The following UNC5A variants were observed in gnomAD, a reference collection of about 807,000 sequenced individuals.
UNC5A encodes netrin receptor UNC5A.
UNC5A carries 20 observed loss-of-function variants against 87.4 expected under a neutral mutation model. That is an observed-to-expected ratio of 0.23 (90% CI 0.16 to 0.33). UNC5A has a LOEUF of 0.33. Among genes scored for constraint, UNC5A ranks in the 10% least tolerant of loss-of-function variants. The pLI, the probability that UNC5A is intolerant of heterozygous loss-of-function variation, is 1.00. For missense variants in UNC5A, 844 were observed against 1,133.4 expected (o/e 0.74, Z 3.67); for synonymous variants, 438 against 482.3 (o/e 0.91, Z 1.20).
intron 1 of UNC5A, among the ~76,000 whole-genome samples, chr5:176,817,278 G>A (rs1180860793): frequency 6.6e-6 from 1 of 151,974 alleles, no homozygotes; most frequent in Admixed American, 6.6e-5. Flanking sequence ...GCTGAGATGG[G>A]GAGGGGGTGG....
In UNC5A at chr5:176,868,629, C is replaced by A; in HGVS notation, c.505C>A (p.Pro169Thr). ...GTCCCTGGAGCAGGGCATCGTGCTG[C>A]CCTGCCGTCCACCGGAGGGCATCCC... Reference protein sequence around the residue: ...EVSLEQGIVLPCRPPEGIPPA... With the variant: ...EVSLEQGIVLTCRPPEGIPPA... The change falls in exon 4 of 15, where the codon CCC becomes ACC. Residue 169 changes from proline (P) to threonine (T), a missense_variant. By Grantham distance (38) the Pro-to-Thr change is conservative. Coordinates refer to ENST00000329542, the MANE Select transcript of UNC5A (RefSeq NM_133369.3). The A allele has an allele frequency of 6.2e-7, 1 of 1,605,462 alleles. No individual in the cohort carries two copies. Among genetic ancestry groups the A allele is most frequent in the Non-Finnish European group, 8.5e-7 (1 of 1,176,688 alleles).
rs1306577109 is a variant in UNC5A, at chr5:176,866,932, T to G, written c.293-1198T>G. Among the ~76,000 whole-genome samples the G allele has an allele frequency of 6.6e-6, 1 of 152,032 alleles. No individual in the cohort carries two copies. The highest frequency in any genetic ancestry group is 2.4e-5 in the African/African-American group (1 of 41,400). ...TAGCTGGCCGGCGACAGGGACAAAGTGATAGAAAAATCTGGACACCCAGTG... is the reference window on the plus strand; with the variant it reads ...TAGCTGGCCGGCGACAGGGACAAAGGGATAGAAAAATCTGGACACCCAGTG... On this transcript the variant is annotated intron_variant, in intron 2 of 14. Transcript: ENST00000329542. This position sits in a 1 kb window ranked among gnomAD's most constrained non-coding sequence, Gnocchi z 5.0.
At chr5:176,811,148 C>A (rs909645116) in intron 1 of UNC5A, among the ~76,000 whole-genome samples, 3 of 152,218 alleles carry the variant, frequency 2.0e-5, no homozygotes, top group South Asian at 2.1e-4. Flanking sequence ...CCCCAGGGAG[C>A]CTGACTTTGA....
rs1029837575 is a variant in UNC5A at position 176,810,956 on chromosome 5, C to T, written c.70+136C>T. ...CGAGGCCAAACTTTGCGAGGCGGGA[C>T]GCGGGGGGCTCTTCTTGCTGCTGCG... On this transcript the variant is annotated intron_variant, in intron 1 of 14. Transcript: ENST00000329542. The surrounding 1 kb of genome is among the most constrained non-coding windows in gnomAD (Gnocchi z 7.3). 7 of 696,174 alleles carry T rather than the reference C, an allele frequency of 1.0e-5. No homozygotes were observed. The highest frequency in any genetic ancestry group is 1.9e-5 in the African/African-American group (1 of 51,874). 43.1% of individuals were successfully genotyped at this position (696,174 alleles called of 1,614,324 possible).
At chr5:176,853,579 G>A (rs897181451) in intron 1 of UNC5A, among the ~76,000 whole-genome samples, 4 of 152,216 alleles carry the variant, frequency 2.6e-5, no homozygotes, top group Non-Finnish European at 5.9e-5. Flanking sequence ...TCATGCACAC[G>A]TTACTATGGA....
chr5:176,843,729 C>A (rs931943306), intron 1 of UNC5A, among the ~76,000 whole-genome samples: 30 of 152,246 alleles, frequency 2.0e-4, no homozygotes, highest in African/African-American at 7.2e-4. Context: ...CCTGACCCAC[C>A]GGGCTGCGCC....
At position 176,841,921 on chromosome 5, in the gene UNC5A, G is replaced by A. The variant is rs756466470; in HGVS notation, c.71-20703G>A. ...GGCCATAATCAAAAAATCAAGGCCG[G>A]GTGCGGTGGCTCACGCCGGTAATCC... On this transcript the variant is annotated intron_variant, in intron 1 of 14. Coordinates refer to ENST00000329542, the MANE Select transcript of UNC5A (RefSeq NM_133369.3). The surrounding 1 kb of genome is among the most constrained non-coding windows in gnomAD (Gnocchi z 4.1). Among the ~76,000 whole-genome samples, 1 of 152,250 alleles carries A rather than the reference G, an allele frequency of 6.6e-6. No homozygotes were observed. Among genetic ancestry groups the A allele is most frequent in the African/African-American group, 2.4e-5 (1 of 41,466 alleles).
At chr5:176,834,760 T>C (rs981666259) in intron 1 of UNC5A, among the ~76,000 whole-genome samples, 1 of 142,540 alleles carries the variant, frequency 7.0e-6, no homozygotes, top group Non-Finnish European at 1.5e-5. Flanking sequence ...CTCTCTCCCT[T>C]TCCCTGGGTC....
chr5:176,872,679 A>G (rs1758152417), intron 6 of UNC5A, among the ~76,000 whole-genome samples: 1 of 101,020 alleles, frequency 9.9e-6, no homozygotes. Context: ...ACATCTGCCC[A>G]CACTCACCCC....
chr5:176,878,141 C>G lies in UNC5A; in HGVS notation c.1869+14C>G, dbSNP rs1758311791. 1.2e-6 allele frequency: 2 copies of G among 1,605,010 alleles called. No homozygotes were observed. The highest frequency in any genetic ancestry group is 2.2e-5 in the South Asian group (2 of 91,054). The stretch of plus-strand genomic sequence containing the variant: ...GATGCACTCAAGGTATCTCCCGCCC[C>G]TCACCCCCCGCCGCTGGGAGGCCGA... On this transcript the variant is annotated intron_variant, in intron 11 of 14. Coordinates refer to ENST00000329542, the MANE Select transcript of UNC5A (RefSeq NM_133369.3).
At position 176,869,988 on chromosome 5, in the gene UNC5A, G is replaced by C. The variant is rs1758071376; in HGVS notation, c.722-382G>C. 6.6e-6 allele frequency among the ~76,000 whole-genome samples: 1 copy of C among 152,218 alleles called. No homozygotes were observed. Among genetic ancestry groups the C allele is most frequent in the African/African-American group, 2.4e-5 (1 of 41,458 alleles). ...GTCCAATGTCAGGGCTCAACATAGGGTGTAAGTCACAGGGTGTGAGGTACA... is the reference window on the plus strand; with the variant it reads ...GTCCAATGTCAGGGCTCAACATAGGCTGTAAGTCACAGGGTGTGAGGTACA... On this transcript the variant is annotated intron_variant, in intron 5 of 14. Transcript: ENST00000329542. This position sits in a 1 kb window ranked among gnomAD's most constrained non-coding sequence, Gnocchi z 9.1.
In UNC5A at chr5:176,844,757, A is replaced by G. The variant is rs2113626777; in HGVS notation, c.71-17867A>G. 6.6e-6 allele frequency among the ~76,000 whole-genome samples: 1 copy of G among 152,166 alleles called. No individual in the cohort carries two copies. Among genetic ancestry groups the G allele is most frequent in the Admixed American group, 6.5e-5 (1 of 15,296 alleles). Reference sequence around the variant, plus strand: ...CCTATTGTTCCAGTTGGAACAGAGGACTCAGCAGGGCTATGGCCCAATCAC... The same window carrying G: ...CCTATTGTTCCAGTTGGAACAGAGGGCTCAGCAGGGCTATGGCCCAATCAC... On this transcript the variant is annotated intron_variant, in intron 1 of 14. Coordinates refer to ENST00000329542, the MANE Select transcript of UNC5A (RefSeq NM_133369.3). This position sits in a 1 kb window ranked among gnomAD's most constrained non-coding sequence, Gnocchi z 4.2.
intron 1 of UNC5A, among the ~76,000 whole-genome samples, chr5:176,849,413 C>T (rs1381450325): frequency 6.6e-6 from 1 of 152,038 alleles, no homozygotes; most frequent in South Asian, 2.1e-4. Flanking sequence ...GGTGAAACCC[C>T]GTCTCTACTA....
chr5:176,842,826 C>G (rs1757308211), intron 1 of UNC5A, among the ~76,000 whole-genome samples: 1 of 152,170 alleles, frequency 6.6e-6, no homozygotes, highest in African/African-American at 2.4e-5. Flanking sequence ...CCGAATACCA[C>G]CTGTTCCCCA....
intron 11 of UNC5A, 51 bp from the exon 12 acceptor site, chr5:176,878,193 G>T (rs1309216916): frequency 6.2e-7 from 1 of 1,603,398 alleles, no homozygotes; most frequent in Admixed American, 1.7e-5. Context: ...TGGACTGCCT[G>T]CCTTGGGCGC....
At chr5:176,821,834 A>T (rs1471464607) in intron 1 of UNC5A, among the ~76,000 whole-genome samples, 1 of 152,126 alleles carries the variant, frequency 6.6e-6, no homozygotes, top group Non-Finnish European at 1.5e-5. Context: ...GGACCTATTG[A>T]CTTCCCAGGC....
intron 2 of UNC5A, among the ~76,000 whole-genome samples, chr5:176,864,309 G>A (rs941403305): frequency 6.6e-6 from 1 of 152,212 alleles, no homozygotes; most frequent in African/African-American, 2.4e-5. Flanking sequence ...CCCGGGGCAG[G>A]CAGCAGTGGC....
intron 1 of UNC5A, among the ~76,000 whole-genome samples, chr5:176,839,478 T>C (rs953246042): frequency 3.2e-4 from 48 of 152,316 alleles, no homozygotes; most frequent in African/African-American, 1.1e-3. Context: ...GATATCAGCA[T>C]CGTTGAGCCC....
In UNC5A at chr5:176,839,368, C is replaced by G. The variant is rs116401195; in HGVS notation, c.71-23256C>G. Among the ~76,000 whole-genome samples, 881 of 152,354 alleles carry G rather than the reference C, an allele frequency of 5.8e-3. 10 individuals are homozygous for G. The highest frequency in any genetic ancestry group is 0.02 in the African/African-American group (839 of 41,582). ...CCTAGAGCTCTGTGGCAGCAAGGTC[C>G]CTGATCCGCAGGCAGTGAGGAGAGT... On this transcript the variant is annotated intron_variant, in intron 1 of 14. Transcript: ENST00000329542.
Sources: allele counts gnomAD v4.1 joint callset (sites outside exome capture counted in the v4.1 genomes callset), GRCh38; gene constraint gnomAD v4.1.1; non-coding constraint Gnocchi (gnomAD v3.1); transcripts MANE v1.5; gene names NCBI Gene and HGNC (gene_info 2026-07-23, HGNC 2026-07-21).